Variants in CALN1 observed in about 807,000 individuals in gnomAD.
The protein encoded by CALN1 is calcium-binding protein 8.
In CALN1, 17 loss-of-function variants were observed where a neutral mutation model predicts 30.6. The observed-to-expected ratio is 0.56, with a 90% CI of 0.38 to 0.83. CALN1 has a LOEUF of 0.83. Ranked by LOEUF, CALN1 falls within the 40% of genes least tolerant of loss-of-function variation. CALN1 has a pLI of 0.00. For synonymous variants in CALN1, 156 were observed against 131.4 expected, an observed-to-expected ratio of 1.19 and a Z score of -1.28; for missense variants, 291 against 354.9, an observed-to-expected ratio of 0.82 and a Z score of 1.45.
At chr7:72,318,398 G>A (rs1468697472) in intron 2 of CALN1, among the ~76,000 whole-genome samples, 4 of 152,022 alleles carry the variant, frequency 2.6e-5, no homozygotes, top group Admixed American at 2.6e-4. Context: ...ACAGAGCAAG[G>A]GACAGAAGAT....
chr7:72,363,334 G>A (rs551855940), intron 2 of CALN1, among the ~76,000 whole-genome samples: 7 of 152,290 alleles, frequency 4.6e-5, no homozygotes, highest in Admixed American at 2.0e-4. Flanking sequence ...CGCCTCCTGG[G>A]TTCAATCGAT....
chr7:72,222,954 G>A (rs369572890), intron 3 of CALN1, among the ~76,000 whole-genome samples: 1 of 152,158 alleles, frequency 6.6e-6, no homozygotes, highest in Non-Finnish European at 1.5e-5. Flanking sequence ...CCAGGAGTTA[G>A]AGGCTGCAGT....
chr7:72,091,034 C>T (rs1409129410), intron 4 of CALN1, among the ~76,000 whole-genome samples: 1 of 152,006 alleles, frequency 6.6e-6, no homozygotes, highest in Non-Finnish European at 1.5e-5. Flanking sequence ...TTATTATTAA[C>T]AGTAATTTAC....
rs1037459751 is a variant in CALN1, at chr7:71,783,675, G to A, written c.*4100C>T. 1 of 152,654 alleles carries A rather than the reference G, an allele frequency of 6.6e-6. No individual in the cohort carries two copies. Among genetic ancestry groups the A allele is most frequent in the Non-Finnish European group, 1.5e-5 (1 of 68,046 alleles). The allele number at this position is 152,654 out of a possible 1,614,324, so 9.5% of individuals were successfully genotyped here. A position where few individuals can be genotyped will look rare whatever the true frequency, so the allele number is the denominator to read the frequency against. On this transcript the variant is annotated 3_prime_UTR_variant, in exon 7 of 7. Coordinates refer to ENST00000395275, the MANE Select transcript of CALN1 (RefSeq NM_031468.4). ...TAGGTGAAGAGCAACGTGCAAAACTGTCTTTGATTTATGACCTGAGTCTGG... is the reference window on the plus strand; with the variant it reads ...TAGGTGAAGAGCAACGTGCAAAACTATCTTTGATTTATGACCTGAGTCTGG...
At chr7:72,052,096 A>G (rs1467938419) in intron 4 of CALN1, among the ~76,000 whole-genome samples, 2 of 152,192 alleles carry the variant, frequency 1.3e-5, no homozygotes, top group African/African-American at 4.8e-5. Flanking sequence ...ATCACTATTC[A>G]GGAGATGGTA....
chr7:71,977,528 ACAAT>A (rs1300643965), intron 5 of CALN1, among the ~76,000 whole-genome samples: 3 of 152,180 alleles, frequency 2.0e-5, no homozygotes, highest in Non-Finnish European at 1.5e-5. Context: ...ATCAGATTTT[ACAAT>A]CAGAGGGGCT....
At chr7:72,283,197 T>C (rs936591703) in intron 2 of CALN1, among the ~76,000 whole-genome samples, 1 of 152,020 alleles carries the variant, frequency 6.6e-6, no homozygotes, top group African/African-American at 2.4e-5. Context: ...GGTTTTAATA[T>C]ATACTGAAGA....
intron 3 of CALN1, among the ~76,000 whole-genome samples, chr7:72,225,724 A>T (rs481350): frequency 0.01 from 1,531 of 152,226 alleles, 26 homozygotes; most frequent in African/African-American, 0.035. Flanking sequence ...AATCAAACTC[A>T]GCTGTTTCTG....
intron 3 of CALN1, among the ~76,000 whole-genome samples, chr7:72,160,099 G>A (rs1241125886): frequency 2.6e-5 from 4 of 152,156 alleles, no homozygotes; most frequent in African/African-American, 9.6e-5. Context: ...CCTATCCTGT[G>A]GGTCTGCACA....
At chr7:71,930,849 T>C (rs1010277624) in intron 5 of CALN1, among the ~76,000 whole-genome samples, 1 of 152,228 alleles carries the variant, frequency 6.6e-6, no homozygotes, top group African/African-American at 2.4e-5. Context: ...ATCTTTAAAA[T>C]GCTTAATTGC....
intron 4 of CALN1, among the ~76,000 whole-genome samples, chr7:72,081,608 G>C (rs1033145498): frequency 6.6e-6 from 1 of 152,020 alleles, no homozygotes; most frequent in Non-Finnish European, 1.5e-5. Flanking sequence ...TTTTTGTAGA[G>C]ACGAGGTCTC....
intron 1 of CALN1, among the ~76,000 whole-genome samples, chr7:72,430,820 A>C (rs1333866689): frequency 6.6e-6 from 1 of 152,118 alleles, no homozygotes; most frequent in African/African-American, 2.4e-5. Context: ...GGCTCTACCA[A>C]CTGTTAAAGC....
Position 71,784,973 on chromosome 7 carries a change from AC to A in CALN1, c.*2801del. On this transcript the variant is annotated 3_prime_UTR_variant, in exon 7 of 7. Coordinates refer to ENST00000395275, the MANE Select transcript of CALN1 (RefSeq NM_031468.4). ...TGCCTGACAAGGAAGGCTTCCCTAT[AC>A]CCAAGACAAACTGTCCAAGCAAAGC... The A allele has an allele frequency of 2.5e-6, 1 of 397,572 alleles. No homozygotes were observed. Among genetic ancestry groups the A allele is most frequent in the East Asian group, 3.6e-5 (1 of 28,040 alleles). 24.6% of individuals were successfully genotyped at this position (397,572 alleles called of 1,614,324 possible).
At chr7:71,925,722 C>T (rs1416357431) in intron 5 of CALN1, among the ~76,000 whole-genome samples, 3 of 152,012 alleles carry the variant, frequency 2.0e-5, no homozygotes, top group Admixed American at 2.0e-4. Flanking sequence ...GTGTGAGAAG[C>T]AATGGAATCC....
At chr7:72,295,341 G>T (rs899305932) in intron 2 of CALN1, among the ~76,000 whole-genome samples, 3 of 152,004 alleles carry the variant, frequency 2.0e-5, no homozygotes, top group African/African-American at 7.3e-5. Context: ...TTAAATCACA[G>T]AGTGTAGCAA....
chr7:72,189,279 C>T lies in CALN1; in HGVS notation c.245-82985G>A, dbSNP rs118068909. Among the ~76,000 whole-genome samples, 1,201 of 152,166 alleles carry T rather than the reference C, an allele frequency of 7.9e-3. 6 individuals carry two copies. The highest frequency in any genetic ancestry group is 0.017 in the Middle Eastern group (5 of 294). On this transcript the variant is annotated intron_variant, in intron 3 of 6. Transcript: ENST00000395275. ...GGTTGCACTATTTCTGCTGTGTGTC[C>T]GAATTTCTAAAGTAATATCCGTGTA... is the stretch of plus-strand genomic sequence containing the variant.
At chr7:72,363,429 G>A (rs1803682604) in intron 2 of CALN1, among the ~76,000 whole-genome samples, 1 of 151,960 alleles carries the variant, frequency 6.6e-6, no homozygotes, top group Non-Finnish European at 1.5e-5. Flanking sequence ...AGTAGAGAAG[G>A]GGTTTCGCCA....
intron 5 of CALN1, among the ~76,000 whole-genome samples, chr7:71,857,515 C>A (rs972717227): frequency 1.3e-5 from 2 of 152,104 alleles, no homozygotes; most frequent in African/African-American, 4.8e-5. Flanking sequence ...TTTAGAAAAT[C>A]ATCAGGGGAG....
intron 3 of CALN1, among the ~76,000 whole-genome samples, chr7:72,201,737 T>TTAAAAAAAAAAAA (rs1229060738): frequency 8.5e-6 from 1 of 117,882 alleles, no homozygotes; most frequent in Non-Finnish European, 1.8e-5. Context: ...TGAATCTGAT[T>TTAAAAAAAAAAAA]AAAAAAAAAA....
Sources: gnomAD v4.1 joint callset for allele counts (sites outside exome capture counted in the v4.1 genomes callset) on GRCh38, gnomAD v4.1.1 for gene constraint, MANE v1.5 for transcripts, NCBI Gene and HGNC (gene_info 2026-07-23, HGNC 2026-07-21) for gene names.